Variants in SLC14A1 observed in about 807,000 individuals in gnomAD.
SLC14A1 encodes urea transporter 1.
In SLC14A1, 36 loss-of-function variants were observed where a neutral mutation model predicts 39.6. The ratio of observed to expected loss-of-function variants is 0.91; its 90% CI spans 0.70 to 1.20. SLC14A1 has a LOEUF of 1.20. Among genes scored for constraint, SLC14A1 ranks in the 50% most tolerant of loss-of-function variants. SLC14A1 has a pLI of 0.00. For synonymous variants in SLC14A1, 164 were observed against 173.6 expected, an observed-to-expected ratio of 0.94 and a Z score of 0.43; for missense variants, 469 against 478.7, an observed-to-expected ratio of 0.98 and a Z score of 0.19.
rs751489682 is a variant in SLC14A1, at chr18:45,736,451, T to A, written c.471-5T>A. 6.2e-7 allele frequency: 1 copy of A among 1,614,032 alleles called. No individual in the cohort carries two copies. The highest frequency in any genetic ancestry group is 1.6e-4 in the Middle Eastern group (1 of 6,084). The stretch of plus-strand genomic sequence containing the variant: ...GCACATTCTTTTGCTCTGTTCTTTT[T>A]TTAGCCCAATTTTCTCAAGTGCATT... On this transcript the variant is annotated splice_region_variant and splice_polypyrimidine_tract_variant and intron_variant, in intron 5 of 9. Coordinates refer to ENST00000321925, the MANE Select transcript of SLC14A1 (RefSeq NM_015865.7).
chr18:45,744,296 A>G (rs1442400137), intron 8 of SLC14A1, among the ~76,000 whole-genome samples: 14 of 152,122 alleles, frequency 9.2e-5, no homozygotes, highest in Admixed American at 9.2e-4. Context: ...TTACTGGTGG[A>G]TTACTTTTTC....
At position 45,751,545 on chromosome 18, in the gene SLC14A1, A is replaced by T; in HGVS notation, c.*1594A>T. On this transcript the variant is annotated 3_prime_UTR_variant, in exon 10 of 10. Coordinates refer to ENST00000321925, the MANE Select transcript of SLC14A1 (RefSeq NM_015865.7). ...GTAATCCCAGCACTTTGGGAGATGG[A>T]GGTAAAAGGATCTCTTGAGCCCAGG... 1 of 978,056 alleles carries T rather than the reference A, an allele frequency of 1.0e-6. No individual in the cohort carries two copies. The highest frequency in any genetic ancestry group is 1.2e-6 in the Non-Finnish European group (1 of 823,446). 60.6% of individuals were successfully genotyped at this position (978,056 alleles called of 1,614,324 possible).
chr18:45,740,631 GC>G (rs1439968464), intron 8 of SLC14A1, among the ~76,000 whole-genome samples: 1 of 151,958 alleles, frequency 6.6e-6, no homozygotes, highest in Non-Finnish European at 1.5e-5. Context: ...AACCTCCTGG[GC>G]TCAAGCAATC....
chr18:45,725,668 T>C (rs2046845466), intron 2 of SLC14A1, among the ~76,000 whole-genome samples: 1 of 152,158 alleles, frequency 6.6e-6, no homozygotes, highest in African/African-American at 2.4e-5. Flanking sequence ...TTGGGTGGCA[T>C]TAATGTGCCT....
intron 8 of SLC14A1, among the ~76,000 whole-genome samples, chr18:45,743,112 A>G (rs1477785964): frequency 6.6e-6 from 1 of 152,282 alleles, no homozygotes; most frequent in African/African-American, 2.4e-5. Flanking sequence ...TGTATAAAAC[A>G]AAACAAAAAT....
At position 45,752,322 on chromosome 18, in the gene SLC14A1, C is replaced by T; in HGVS notation, c.*2371C>T. 1.3e-6 allele frequency: 1 copy of T among 743,684 alleles called. No individual in the cohort carries two copies. Among genetic ancestry groups the T allele is most frequent in the Non-Finnish European group, 1.6e-6 (1 of 609,340 alleles). The allele number at this position is 743,684 out of a possible 1,614,324, so 46.1% of individuals were successfully genotyped here. On this transcript the variant is annotated 3_prime_UTR_variant, in exon 10 of 10. Transcript: ENST00000321925. ...ATCTTCAGAACAGGGATCTACCATG[C>T]AGGAGCTTCTTGTGCTCACACAAAT...
rs755131313 is a variant in SLC14A1, at chr18:45,736,483, C to T, written c.498C>T (p.Ser166=). Residue 166 remains serine (S), a synonymous_variant, in exon 6 of 10, where the codon TCC becomes TCT. Transcript: ENST00000321925. Reference sequence around the variant, plus strand: ...CAATTTTCTCAAGTGCATTGAATTCCATGCTCAGCAAATGGGACCTCCCCG... The same window carrying T: ...CAATTTTCTCAAGTGCATTGAATTCTATGCTCAGCAAATGGGACCTCCCCG... The part of the protein sequence containing the change: ...TCPIFSSALN[S]MLSKWDLPVF... The T allele has an allele frequency of 1.2e-6, 2 of 1,614,072 alleles. No individual in the cohort carries two copies. The highest frequency in any genetic ancestry group is 2.7e-5 in the African/African-American group (2 of 74,914).
intron 6 of SLC14A1, among the ~76,000 whole-genome samples, chr18:45,736,864 CT>C (rs2047212935): frequency 6.6e-6 from 1 of 152,000 alleles, no homozygotes; most frequent in Non-Finnish European, 1.5e-5. Flanking sequence ...ATTTTTCTGC[CT>C]TTTCCCCTAA....
chr18:45,731,256 G>T, intron 4 of SLC14A1, 52 bp downstream of exon 4: 2 of 1,554,840 alleles, frequency 1.3e-6, no homozygotes, highest in South Asian at 2.2e-5. Context: ...CACAGGGGCT[G>T]ACCAGTTACT....
intron 7 of SLC14A1, 97 bp downstream of exon 7, chr18:45,739,407 G>A: frequency 6.2e-7 from 1 of 1,605,418 alleles, no homozygotes; most frequent in Non-Finnish European, 8.5e-7. Flanking sequence ...TGAGATCTTG[G>A]CTTCCTAGGG....
chr18:45,734,916 T>C (rs2047142244), intron 5 of SLC14A1, among the ~76,000 whole-genome samples: 1 of 152,202 alleles, frequency 6.6e-6, no homozygotes, highest in Admixed American at 6.5e-5. Context: ...TTTTAAAAGA[T>C]GTATATTTCC....
Position 45,751,906 on chromosome 18 carries a change from A to AT in SLC14A1, c.*1961dup. 1 of 985,250 alleles carries AT rather than the reference A, an allele frequency of 1.0e-6. No homozygotes were observed. Among genetic ancestry groups the AT allele is most frequent in the Non-Finnish European group, 1.2e-6 (1 of 829,862 alleles). The allele number at this position is 985,250 out of a possible 1,614,324, so 61.0% of individuals were successfully genotyped here. On this transcript the variant is annotated 3_prime_UTR_variant, in exon 10 of 10. Transcript: ENST00000321925. ...AAAGTGAAACGTAGGAATCCTGAAG[A>AT]TTTTTTCCACTTCTAGTTTGCAGTG...
chr18:45,744,828 T>C (rs1184393505), intron 8 of SLC14A1, among the ~76,000 whole-genome samples: 2 of 152,230 alleles, frequency 1.3e-5, no homozygotes, highest in Non-Finnish European at 2.9e-5. Context: ...GACTTTTTCT[T>C]AATATTTTCC....
chr18:45,738,031 T>C (rs2047248815), intron 6 of SLC14A1, among the ~76,000 whole-genome samples: 1 of 152,194 alleles, frequency 6.6e-6, no homozygotes, highest in South Asian at 2.1e-4. Context: ...CTTTGCCAAG[T>C]TCCCTGGTCT....
At position 45,751,884 on chromosome 18, in the gene SLC14A1, G is replaced by C. The variant is rs2047720531; in HGVS notation, c.*1933G>C. 1.0e-6 allele frequency: 1 copy of C among 985,216 alleles called. No homozygotes were observed. The highest frequency in any genetic ancestry group is 1.2e-6 in the Non-Finnish European group (1 of 829,832). 61.0% of individuals were successfully genotyped at this position (985,216 alleles called of 1,614,324 possible). The stretch of plus-strand genomic sequence containing the variant: ...CGTGTAGTATTTTGGAGGTTGGAAA[G>C]TGAAACGTAGGAATCCTGAAGATTT... On this transcript the variant is annotated 3_prime_UTR_variant, in exon 10 of 10. Transcript: ENST00000321925.
Position 45,750,373 on chromosome 18 carries a change from G to T in SLC14A1, c.*422G>T. On this transcript the variant is annotated 3_prime_UTR_variant, in exon 10 of 10. Transcript: ENST00000321925. ...TGGAATTCACAGTCACAAAATCGAA[G>T]TTAATCCAGAATTCTGTGATAAGCA... The T allele has an allele frequency of 1.9e-6, 2 of 1,076,946 alleles. No homozygotes were observed. Among genetic ancestry groups the T allele is most frequent in the Non-Finnish European group, 2.3e-6 (2 of 885,646 alleles). The allele number at this position is 1,076,946 out of a possible 1,614,324, so 66.7% of individuals were successfully genotyped here.
At chr18:45,736,407 T>TCAG (rs1204021123) in intron 5 of SLC14A1, 49 bp from the exon 6 acceptor site, 2 of 1,580,168 alleles carry the variant, frequency 1.3e-6, no homozygotes, top group East Asian at 4.5e-5. Context: ...ATTCCGTGTG[T>TCAG]CAGCCTGCTT....
chr18:45,726,481 A>AATTCC (rs2046867321), intron 2 of SLC14A1, among the ~76,000 whole-genome samples: 1 of 152,224 alleles, frequency 6.6e-6, no homozygotes. Context: ...GTTTATTATT[A>AATTCC]ACAAAGTGAT....
At chr18:45,725,945 G>A (rs1407951381) in intron 2 of SLC14A1, among the ~76,000 whole-genome samples, 1 of 152,204 alleles carries the variant, frequency 6.6e-6, no homozygotes, top group Non-Finnish European at 1.5e-5. Flanking sequence ...CCGGTGCCAG[G>A]CAGGGGCAGA....
Sources: gnomAD v4.1 joint callset for allele counts (sites outside exome capture counted in the v4.1 genomes callset) on GRCh38, gnomAD v4.1.1 for gene constraint, MANE v1.5 for transcripts, NCBI Gene and HGNC (gene_info 2026-07-23, HGNC 2026-07-21) for gene names.